Variants in EYS observed in about 807,000 individuals in gnomAD.
EYS encodes protein eyes shut homolog.
In EYS, 250 loss-of-function variants were observed where a neutral mutation model predicts 282.1. The observed-to-expected ratio is 0.89, with a 90% CI of 0.80 to 0.98. The LOEUF (loss-of-function observed/expected upper bound fraction) is 0.98. Among genes scored for constraint, EYS ranks in the 50% least tolerant of loss-of-function variants. EYS has a pLI of 0.00. For synonymous variants in EYS, 1,355 were observed against 1,282.9 expected (o/e 1.06, Z -1.20); for missense variants, 4,016 against 3,709.0 (o/e 1.08, Z -2.15).
At chr6:65,604,842 CTTTTTT>C (rs10583844) in intron 2 of EYS, among the ~76,000 whole-genome samples, 5 of 130,404 alleles carry the variant, frequency 3.8e-5, no homozygotes, top group Admixed American at 7.9e-5. Context: ...TCACTGCCCC[CTTTTTT>C]TTTTTTTTTT....
At chr6:65,518,761 A>G (rs1406076293) in intron 2 of EYS, among the ~76,000 whole-genome samples, 3 of 152,140 alleles carry the variant, frequency 2.0e-5, no homozygotes, top group Admixed American at 2.0e-4. Flanking sequence ...ACAGTTCTGC[A>G]GGGCTGGGGA....
chr6:63,952,363 G>A (rs1157078259), intron 35 of EYS, among the ~76,000 whole-genome samples: 1 of 152,216 alleles, frequency 6.6e-6, no homozygotes, highest in Non-Finnish European at 1.5e-5. Context: ...GACTGATGCT[G>A]CCCAATTGCC....
At chr6:64,966,096 T>C (rs1036369069) in intron 14 of EYS, among the ~76,000 whole-genome samples, 3 of 152,262 alleles carry the variant, frequency 2.0e-5, no homozygotes, top group Admixed American at 6.5e-5. Flanking sequence ...AGTTACTCCA[T>C]GCCTTTGAGT....
chr6:65,339,519 T>C (rs957365798), intron 10 of EYS, among the ~76,000 whole-genome samples: 2 of 151,062 alleles, frequency 1.3e-5, no homozygotes, highest in African/African-American at 2.4e-5. Flanking sequence ...GTGCCTGATT[T>C]ATAAATTAAA....
rs114663540 is a variant in EYS at position 65,398,125 on chromosome 6, G to T, written c.1184+4353C>A. Among the ~76,000 whole-genome samples the T allele has an allele frequency of 2.5e-3, 383 of 151,990 alleles. 2 individuals carry two copies. The highest frequency in any genetic ancestry group is 8.6e-3 in the African/African-American group (356 of 41,520). ...GTTATTTGATTTTTTCCTTGCAGAGGTGTTTGAGTTTCTTGTAGATTCTGA... is the reference window on the plus strand; with the variant it reads ...GTTATTTGATTTTTTCCTTGCAGAGTTGTTTGAGTTTCTTGTAGATTCTGA... On this transcript the variant is annotated intron_variant, in intron 7 of 42. Transcript: ENST00000503581.
chr6:64,021,175 T>C (rs1219825812), intron 33 of EYS, among the ~76,000 whole-genome samples: 1 of 152,160 alleles, frequency 6.6e-6, no homozygotes, highest in African/African-American at 2.4e-5. Flanking sequence ...AAAAGCCTTT[T>C]CTTTATTGCT....
chr6:64,255,907 T>C (rs1462909061), intron 30 of EYS, among the ~76,000 whole-genome samples: 1 of 152,016 alleles, frequency 6.6e-6, no homozygotes, highest in Non-Finnish European at 1.5e-5. Flanking sequence ...TCTACAAGTA[T>C]CTAGACTATG....
At chr6:64,678,296 C>A (rs939817221) in intron 22 of EYS, among the ~76,000 whole-genome samples, 1 of 152,132 alleles carries the variant, frequency 6.6e-6, no homozygotes, top group African/African-American at 2.4e-5. Context: ...ATTGAGAATA[C>A]GCCAGGTGCG....
chr6:64,021,405 A>T (rs759723138), intron 33 of EYS, among the ~76,000 whole-genome samples: 4 of 151,400 alleles, frequency 2.6e-5, no homozygotes, highest in Admixed American at 6.6e-5. Context: ...GATGCTACTG[A>T]CATCTAGTAG....
chr6:64,235,305 G>T (rs149277086), intron 30 of EYS, among the ~76,000 whole-genome samples: 450 of 129,576 alleles, frequency 3.5e-3, no homozygotes, highest in Admixed American at 3.9e-3. Flanking sequence ...TGTCCTCATT[G>T]TTCAATTCCC....
At chr6:65,240,688 T>A (rs1010657199) in intron 12 of EYS, among the ~76,000 whole-genome samples, 96 of 152,320 alleles carry the variant, frequency 6.3e-4, no homozygotes, top group African/African-American at 2.3e-3. Context: ...CTACCATTAA[T>A]GGGTATCTAG....
intron 35 of EYS, among the ~76,000 whole-genome samples, chr6:63,947,916 A>G (rs1333441867): frequency 1.3e-5 from 2 of 152,246 alleles, no homozygotes; most frequent in Non-Finnish European, 2.9e-5. Flanking sequence ...AGGCCAATAT[A>G]GCAAGGTTTT....
rs1362838929 is a variant in EYS at position 64,766,641 on chromosome 6, AAAAAAAAAATAT to A, written c.3443+46725_3443+46736del. Among the ~76,000 whole-genome samples the A allele has an allele frequency of 6.2e-3, 31 of 5,040 alleles. No homozygotes were observed. In the South Asian group the frequency reaches 0.26, roughly 43 times the overall value. 3.3% of individuals were successfully genotyped at this position (5,040 alleles called of 152,430 possible). A position where few individuals can be genotyped will look rare whatever the true frequency, so the allele number is the denominator to read the frequency against. The stretch of plus-strand genomic sequence containing the variant: ...AGTGAAACTCCGTCTCAAAAAAAAA[AAAAAAAAAATAT>A]ATATATATATATATATATATATATA... On this transcript the variant is annotated intron_variant, in intron 22 of 42. Coordinates refer to ENST00000503581, the MANE Select transcript of EYS (RefSeq NM_001142800.2).
chr6:64,393,144 T>A (rs1293323199), intron 28 of EYS, among the ~76,000 whole-genome samples: 1 of 152,018 alleles, frequency 6.6e-6, no homozygotes, highest in Non-Finnish European at 1.5e-5. Flanking sequence ...AATCAATAGC[T>A]TACCAACCAA....
At chr6:64,482,985 T>G (rs1776481733) in intron 26 of EYS, among the ~76,000 whole-genome samples, 1 of 151,642 alleles carries the variant, frequency 6.6e-6, no homozygotes, top group Admixed American at 6.6e-5. Flanking sequence ...TGAACTATTC[T>G]ATCAACAAAT....
chr6:65,696,683 C>T lies in EYS; in HGVS notation c.-448+10452G>A, dbSNP rs1769468892. 2.0e-5 allele frequency among the ~76,000 whole-genome samples: 3 copies of T among 151,896 alleles called. No homozygotes were observed. In the South Asian group the frequency reaches 6.2e-4, roughly 32 times the overall value. The stretch of plus-strand genomic sequence containing the variant: ...AAATTATCTCACTGGTAAGGTAAGG[C>T]GGTACTTGAGTCTTGCACATCCTAA... On this transcript the variant is annotated intron_variant, in intron 1 of 42. Transcript: ENST00000503581.
chr6:65,028,676 A>G (rs78056524), intron 13 of EYS, among the ~76,000 whole-genome samples: 5,379 of 152,192 alleles, frequency 0.035, 107 homozygotes, highest in Middle Eastern at 0.071. Context: ...TCCTCAGTGC[A>G]TATCAGTGGA....
At chr6:64,676,000 C>T (rs1256100309) in intron 22 of EYS, among the ~76,000 whole-genome samples, 2 of 146,130 alleles carry the variant, frequency 1.4e-5, no homozygotes, top group African/African-American at 2.5e-5. Flanking sequence ...TGGACAGATT[C>T]TATATATCTA....
At chr6:63,984,357 T>C (rs183909311) in intron 35 of EYS, 26 bp downstream of exon 35, 99 of 1,466,926 alleles carry the variant, frequency 6.7e-5, no homozygotes, top group Middle Eastern at 1.7e-4. Flanking sequence ...GTAACGTAGG[T>C]TGGGAATCAG....
Sources: allele counts gnomAD v4.1 joint callset (sites outside exome capture counted in the v4.1 genomes callset), GRCh38; gene constraint gnomAD v4.1.1; transcripts MANE v1.5; gene names NCBI Gene and HGNC (gene_info 2026-07-23, HGNC 2026-07-21).